Variants in FREM1 observed in about 807,000 individuals in gnomAD.
FREM1 encodes the protein FRAS1 related extracellular matrix 1.
FREM1 carries 220 observed loss-of-function variants against 210.1 expected under a neutral mutation model. That is an observed-to-expected ratio of 1.05 (90% CI 0.94 to 1.17). The LOEUF is 1.17. Ranked by LOEUF, FREM1 falls within the 50% of genes most tolerant of loss-of-function variation. The pLI, the probability that FREM1 is intolerant of heterozygous loss-of-function variation, is 0.00. For missense variants in FREM1, 3,454 were observed against 2,675.5 expected (o/e 1.29, Z -6.42); for synonymous variants, 1,189 against 980.2 (o/e 1.21, Z -3.98).
At position 14,808,148 on chromosome 9, in the gene FREM1, C is replaced by T; in HGVS notation, c.2894-14G>A. ...CAATCTCGCCACCTGGAAGACACAA[C>T]TATAGCTGAAACCTGCCTTTTAAAA... On this transcript the variant is annotated splice_polypyrimidine_tract_variant and intron_variant, in intron 16 of 36. Coordinates refer to ENST00000380880, the MANE Select transcript of FREM1 (RefSeq NM_001379081.2). The T allele has an allele frequency of 6.5e-7, 1 of 1,537,920 alleles. No homozygotes were observed. The highest frequency in any genetic ancestry group is 1.3e-5 in the South Asian group (1 of 76,122).
At chr9:14,898,683 A>AGT (rs1352824008) in intron 1 of FREM1, among the ~76,000 whole-genome samples, 3 of 152,226 alleles carry the variant, frequency 2.0e-5, no homozygotes, top group African/African-American at 7.2e-5. Context: ...CGGAGGTTGC[A>AGT]GTGGGCCAAG....
chr9:14,800,831 A>G (rs756043730), intron 20 of FREM1, among the ~76,000 whole-genome samples: 38 of 152,078 alleles, frequency 2.5e-4, no homozygotes, highest in Non-Finnish European at 4.9e-4. Flanking sequence ...GGTGAATGCT[A>G]TTTCTTCATC....
intron 10 of FREM1, among the ~76,000 whole-genome samples, chr9:14,825,547 G>GTGTGTATATATATATATATATATATATA: frequency 2.6e-5 from 2 of 75,906 alleles, no homozygotes; most frequent in South Asian, 4.8e-4. Flanking sequence ...GTGTGTGTGT[G>GTGTGTATATATATATATATATATATATA]TATATATATA....
At chr9:14,752,601 T>TA (rs914561159) in intron 29 of FREM1, among the ~76,000 whole-genome samples, 2 of 147,720 alleles carry the variant, frequency 1.4e-5, no homozygotes, top group Admixed American at 1.3e-4. Flanking sequence ...TCCAGGCAGA[T>TA]AGACAGATAG....
chr9:14,783,375 C>T (rs112993165), intron 24 of FREM1, among the ~76,000 whole-genome samples: 16 of 152,226 alleles, frequency 1.1e-4, no homozygotes, highest in African/African-American at 3.9e-4. Context: ...GAGTATGCTC[C>T]ATTTATGTTA....
intron 13 of FREM1, among the ~76,000 whole-genome samples, chr9:14,822,541 A>G (rs1164519452): frequency 6.6e-6 from 1 of 152,192 alleles, no homozygotes; most frequent in East Asian, 1.9e-4. Flanking sequence ...TAATGACCAT[A>G]CTAATTAAGC....
intron 25 of FREM1, among the ~76,000 whole-genome samples, chr9:14,771,587 A>G (rs1010970514): frequency 6.6e-6 from 1 of 152,120 alleles, no homozygotes; most frequent in Non-Finnish European, 1.5e-5. Context: ...TGGATGGAGC[A>G]GGTTTGGATG....
chr9:14,881,936 C>G (rs985342770), intron 1 of FREM1, among the ~76,000 whole-genome samples: 3 of 152,122 alleles, frequency 2.0e-5, no homozygotes, highest in African/African-American at 7.2e-5. Flanking sequence ...ATGGAAGGTG[C>G]TGCCTTGCAC....
chr9:14,795,944 A>G (rs1312216313), intron 21 of FREM1, among the ~76,000 whole-genome samples: 1 of 152,220 alleles, frequency 6.6e-6, no homozygotes, highest in Non-Finnish European at 1.5e-5. Context: ...AAAAGGAGGT[A>G]CTGTAATACT....
intron 23 of FREM1, among the ~76,000 whole-genome samples, chr9:14,786,956 C>T (rs1850521455): frequency 6.6e-6 from 1 of 152,170 alleles, no homozygotes; most frequent in Admixed American, 6.6e-5. Context: ...GAGCAACCAG[C>T]TCTTGCCTTG....
chr9:14,792,896 A>G lies in FREM1; in HGVS notation c.3840-12T>C. 6.5e-7 allele frequency: 1 copy of G among 1,547,798 alleles called. No homozygotes were observed. On this transcript the variant is annotated splice_polypyrimidine_tract_variant and intron_variant, in intron 21 of 36. Transcript: ENST00000380880. ...CAATTTCAGCCTTCCTGTAAAAAGA[A>G]AAATGTCTGGGTTGATATAAAAATA...
At chr9:14,896,842 T>C (rs1837834378) in intron 1 of FREM1, among the ~76,000 whole-genome samples, 1 of 152,196 alleles carries the variant, frequency 6.6e-6, no homozygotes, top group Non-Finnish European at 1.5e-5. Context: ...AAACACTTCA[T>C]TGTGAAAAGG....
At chr9:14,831,079 T>C (rs1206459089) in intron 10 of FREM1, among the ~76,000 whole-genome samples, 1 of 152,186 alleles carries the variant, frequency 6.6e-6, no homozygotes. Flanking sequence ...TTGGTCATGC[T>C]TGAAGTAGCT....
intron 13 of FREM1, among the ~76,000 whole-genome samples, chr9:14,820,902 C>T (rs549841713): frequency 6.6e-6 from 1 of 152,290 alleles, no homozygotes; most frequent in East Asian, 1.9e-4. Context: ...CCTCATTTTT[C>T]TGAGCTGTAT....
At chr9:14,886,014 G>A (rs562089746) in intron 1 of FREM1, among the ~76,000 whole-genome samples, 1 of 152,000 alleles carries the variant, frequency 6.6e-6, no homozygotes, top group Non-Finnish European at 1.5e-5. Flanking sequence ...CCCAGCCCCT[G>A]GTAACCACCT....
chr9:14,860,708 CACAT>C (rs199604950), intron 3 of FREM1, among the ~76,000 whole-genome samples: 2 of 75,322 alleles, frequency 2.7e-5, no homozygotes, highest in East Asian at 5.0e-4. Context: ...CATATATACA[CACAT>C]ATATACACAT....
At chr9:14,802,359 T>G (rs867380688) in intron 19 of FREM1, among the ~76,000 whole-genome samples, 1 of 152,228 alleles carries the variant, frequency 6.6e-6, no homozygotes, top group African/African-American at 2.4e-5. Flanking sequence ...TATTTGGTGG[T>G]TTTTATTTTT....
chr9:14,825,925 C>G (rs1822359457), intron 10 of FREM1, among the ~76,000 whole-genome samples: 1 of 152,058 alleles, frequency 6.6e-6, no homozygotes, highest in South Asian at 2.1e-4. Context: ...AATCCAAGAG[C>G]TAATCTAGAC....
intron 28 of FREM1, among the ~76,000 whole-genome samples, chr9:14,757,254 CAT>C (rs1844568962): frequency 1.3e-5 from 2 of 152,168 alleles, no homozygotes; most frequent in Non-Finnish European, 1.5e-5. Context: ...TGCCCAAACA[CAT>C]GTTAAGAAGT....
Sources: gnomAD v4.1 joint callset for allele counts (sites outside exome capture counted in the v4.1 genomes callset) on GRCh38, gnomAD v4.1.1 for gene constraint, MANE v1.5 for transcripts, NCBI Gene and HGNC (gene_info 2026-07-23, HGNC 2026-07-21) for gene names.